TBC1D1: variants seen among roughly 807,000 people sequenced by gnomAD.
The protein encoded by TBC1D1 is TBC1 (tre-2/USP6, BUB2, cdc16) domain family, member 1.
A neutral mutation model predicts 125.6 loss-of-function variants in TBC1D1; 89 were observed. The ratio of observed to expected loss-of-function variants is 0.71; its 90% CI spans 0.60 to 0.85. The LOEUF (loss-of-function observed/expected upper bound fraction) is 0.85, where lower values mean the gene tolerates loss of function less well. TBC1D1 is among the 40% of genes least tolerant of loss of function. The pLI, the probability that TBC1D1 is intolerant of heterozygous loss-of-function variation, is 0.00. For missense variants in TBC1D1, 1,377 were observed against 1,469.2 expected (o/e 0.94, Z 1.03); for synonymous variants, 565 against 564.1 (o/e 1.00, Z -0.02).
At chr4:37,904,627 C>G (rs1049240190) in intron 2 of TBC1D1, among the ~76,000 whole-genome samples, 1 of 152,172 alleles carries the variant, frequency 6.6e-6, no homozygotes, top group African/African-American at 2.4e-5. Flanking sequence ...CAGTCTTTCC[C>G]CAAGTAGAGA....
chr4:38,000,597 A>G (rs115718732), intron 2 of TBC1D1, among the ~76,000 whole-genome samples: 4,537 of 152,246 alleles, frequency 0.03, 90 homozygotes, highest in Middle Eastern at 0.041. Context: ...TGACTATAAC[A>G]TCAATAAAAT....
chr4:38,136,643 T>C (rs1451589290), intron 19 of TBC1D1, among the ~76,000 whole-genome samples: 1 of 152,222 alleles, frequency 6.6e-6, no homozygotes, highest in African/African-American at 2.4e-5. Context: ...TTTTGAGTTT[T>C]TGTCAGCCCG....
At chr4:37,933,947 G>A (rs1723852094) in intron 2 of TBC1D1, among the ~76,000 whole-genome samples, 1 of 152,212 alleles carries the variant, frequency 6.6e-6, no homozygotes, top group Non-Finnish European at 1.5e-5. Flanking sequence ...CATCTCAGGA[G>A]GCTGGAAGGT....
chr4:38,039,973 T>C (rs1479273150), intron 8 of TBC1D1, among the ~76,000 whole-genome samples: 1 of 152,060 alleles, frequency 6.6e-6, no homozygotes, highest in Non-Finnish European at 1.5e-5. Flanking sequence ...AAAGAAATTA[T>C]TGTCTAAGAA....
intron 2 of TBC1D1, among the ~76,000 whole-genome samples, chr4:37,933,329 TA>T (rs1723686785): frequency 6.6e-6 from 1 of 152,098 alleles, no homozygotes. Flanking sequence ...TACCTATTTA[TA>T]TACATGTAAC....
intron 7 of TBC1D1, among the ~76,000 whole-genome samples, chr4:38,033,839 A>G (rs1746689763): frequency 2.0e-5 from 3 of 152,198 alleles, no homozygotes; most frequent in Admixed American, 1.3e-4. Flanking sequence ...TATGCACTTA[A>G]GGTTCTTCCA....
chr4:38,077,197 C>T (rs1755746330), intron 12 of TBC1D1, among the ~76,000 whole-genome samples: 2 of 152,306 alleles, frequency 1.3e-5, no homozygotes, highest in South Asian at 4.1e-4. Context: ...TAACATACAA[C>T]TATACTGAGT....
intron 2 of TBC1D1, among the ~76,000 whole-genome samples, chr4:37,981,852 A>C (rs1456115795): frequency 2.0e-5 from 3 of 152,182 alleles, no homozygotes; most frequent in Non-Finnish European, 2.9e-5. Flanking sequence ...ATGGAAGCAG[A>C]GGGACCACTT....
chr4:37,928,799 A>G (rs968601746), intron 2 of TBC1D1, among the ~76,000 whole-genome samples: 39 of 152,378 alleles, frequency 2.6e-4, no homozygotes, highest in African/African-American at 9.4e-4. Flanking sequence ...TCTATTGCAG[A>G]AACGGATGCC....
At chr4:38,061,579 C>T (rs1241074060) in intron 12 of TBC1D1, among the ~76,000 whole-genome samples, 1 of 152,082 alleles carries the variant, frequency 6.6e-6, no homozygotes, top group African/African-American at 2.4e-5. Context: ...AAAAAAAAGC[C>T]TAATATAGAT....
intron 2 of TBC1D1, among the ~76,000 whole-genome samples, chr4:37,984,708 T>C (rs372143128): frequency 1.3e-5 from 2 of 151,874 alleles, no homozygotes. Flanking sequence ...CTGGGTGTGG[T>C]GGCGTGTACC....
intron 4 of TBC1D1, 148 bp downstream of exon 4, chr4:38,018,591 T>C: frequency 1.9e-6 from 1 of 534,326 alleles, no homozygotes; most frequent in Non-Finnish European, 3.1e-6. Context: ...TCTTCTTTGC[T>C]TTGGTATGTT....
rs375097285 is a variant in TBC1D1 at position 38,003,129 on chromosome 4, C to T, written c.418-11380C>T. Among the ~76,000 whole-genome samples, 14 of 152,264 alleles carry T rather than the reference C, an allele frequency of 9.2e-5. No individual in the cohort carries two copies. In the East Asian group the frequency reaches 1.5e-3, roughly 17 times the overall value. On this transcript the variant is annotated intron_variant, in intron 2 of 19. Coordinates refer to ENST00000261439, the MANE Select transcript of TBC1D1 (RefSeq NM_015173.4). ...CCATTGCCTGGTGGGAGCTTTCATT[C>T]GATTTGGTAGAATGGAGTCTTCCCT...
chr4:38,046,747 C>CT (rs1477613955), intron 10 of TBC1D1, among the ~76,000 whole-genome samples: 1 of 152,126 alleles, frequency 6.6e-6, no homozygotes, highest in Non-Finnish European at 1.5e-5. Flanking sequence ...TATCTATGTC[C>CT]TTCTTTTAAT....
chr4:38,066,136 T>C (rs1753688503), intron 12 of TBC1D1, among the ~76,000 whole-genome samples: 1 of 152,188 alleles, frequency 6.6e-6, no homozygotes, highest in African/African-American at 2.4e-5. Context: ...ATAGGTTTGC[T>C]CACTTAAATT....
At chr4:38,067,592 G>A (rs1396904074) in intron 12 of TBC1D1, among the ~76,000 whole-genome samples, 3 of 152,312 alleles carry the variant, frequency 2.0e-5, no homozygotes, top group South Asian at 2.1e-4. Context: ...ATTGGAGGCC[G>A]TCAGTGGGGA....
chr4:38,135,911 C>CGTGT (rs200513658), intron 19 of TBC1D1, among the ~76,000 whole-genome samples: 2 of 129,850 alleles, frequency 1.5e-5, no homozygotes, highest in Non-Finnish European at 3.3e-5. Context: ...TGTATATATA[C>CGTGT]GTGTGTGTGT....
intron 12 of TBC1D1, among the ~76,000 whole-genome samples, chr4:38,075,531 T>C (rs1755438744): frequency 1.3e-5 from 2 of 152,348 alleles, no homozygotes; most frequent in Middle Eastern, 3.4e-3. Flanking sequence ...GGTTCACTAT[T>C]TTAAACTTTT....
intron 12 of TBC1D1, among the ~76,000 whole-genome samples, chr4:38,060,049 A>G (rs1302936940): frequency 1.3e-5 from 2 of 152,212 alleles, no homozygotes; most frequent in East Asian, 1.9e-4. Flanking sequence ...TGCAAAGGAC[A>G]TGGTCTCATT....
Sources: gnomAD v4.1 joint callset for allele counts (sites outside exome capture counted in the v4.1 genomes callset) on GRCh38, gnomAD v4.1.1 for gene constraint, MANE v1.5 for transcripts, NCBI Gene and HGNC (gene_info 2026-07-23, HGNC 2026-07-21) for gene names.